The following COX7A2L variants were observed in gnomAD, a reference collection of about 807,000 sequenced individuals.
COX7A2L encodes the protein cytochrome c oxidase subunit 7A2-like, mitochondrial.
A neutral mutation model predicts 14.2 loss-of-function variants in COX7A2L; 18 were observed. The ratio of observed to expected loss-of-function variants is 1.27; its 90% CI spans 0.88 to 1.88. The LOEUF is 1.88. COX7A2L is among the 40% of genes most tolerant of loss of function. The pLI is 0.00. For synonymous variants in COX7A2L, 65 were observed against 57.4 expected (o/e 1.13, Z -0.60); for missense variants, 179 against 138.8 (o/e 1.29, Z -1.46).
At chr2:42,352,489 C>T (rs896141229) in intron 2 of COX7A2L, among the ~76,000 whole-genome samples, 3 of 152,082 alleles carry the variant, frequency 2.0e-5, no homozygotes, top group Non-Finnish European at 4.4e-5. Context: ...CCTTCCCCAC[C>T]GCACCTTGAG....
Position 42,338,667 on chromosome 2 carries a change from A to T in COX7A2L, c.193-4798T>A, listed in dbSNP as rs1670337737. 1.3e-5 allele frequency among the ~76,000 whole-genome samples: 2 copies of T among 152,176 alleles called. No individual in the cohort carries two copies. The highest frequency in any genetic ancestry group is 2.9e-5 in the Non-Finnish European group (2 of 68,040). ...TCAACTCCATCCCCACCTGGCGGTC[A>T]GCCTGTCGAGGGGCCAGTGAGGAAT... On this transcript the variant is annotated intron_variant, in intron 2 of 2. Coordinates refer to the COX7A2L transcript ENST00000468711. The surrounding 1 kb of genome is among the most constrained non-coding windows in gnomAD (Gnocchi z 4.4).
At chr2:42,343,056 G>T (rs1670431687) in intron 2 of COX7A2L, among the ~76,000 whole-genome samples, 1 of 152,184 alleles carries the variant, frequency 6.6e-6, no homozygotes, top group Non-Finnish European at 1.5e-5. Context: ...CACCCTCACT[G>T]CTCTCGTTCA....
chr2:42,362,696 A>G (rs1671085100), upstream of COX7A2L, among the ~76,000 whole-genome samples: 1 of 152,176 alleles, frequency 6.6e-6, no homozygotes, highest in Admixed American at 6.5e-5. Flanking sequence ...CAAGAGCCCC[A>G]AGTATTCAGC....
chr2:42,359,796 A>C (rs1000292515), intron 1 of COX7A2L: 1 of 151,798 alleles, frequency 6.6e-6, no homozygotes. Flanking sequence ...AACATTTATA[A>C]ACCCTAAACT....
intron 1 of COX7A2L, among the ~76,000 whole-genome samples, chr2:42,360,395 C>A (rs1670986178): frequency 6.6e-6 from 1 of 152,160 alleles, no homozygotes; most frequent in Non-Finnish European, 1.5e-5. Context: ...TTTGAAAAGG[C>A]ACGTCTGGGG....
Position 42,354,337 on chromosome 2 carries a change from T to C in COX7A2L, c.73-994A>G, listed in dbSNP as rs919374826. ...GAATAAACCTACAGTGACAAATATA[T>C]AGAGTAATCCAAAATAACCTGTAAA... On this transcript the variant is annotated intron_variant, in intron 1 of 2. Coordinates refer to ENST00000234301, the MANE Select transcript of COX7A2L (RefSeq NM_004718.4). 3.5e-4 allele frequency among the ~76,000 whole-genome samples: 53 copies of C among 152,088 alleles called. 1 individual carries two copies. Among genetic ancestry groups the C allele is most frequent in the African/African-American group, 1.3e-3 (52 of 41,402 alleles).
upstream of COX7A2L, among the ~76,000 whole-genome samples, chr2:42,363,900 C>T (rs980379525): frequency 1.3e-5 from 2 of 152,140 alleles, no homozygotes; most frequent in Non-Finnish European, 2.9e-5. Flanking sequence ...CGCTGCTTCT[C>T]CATTTGTGAG....
chr2:42,347,305 A>AC (rs1373741121), downstream of COX7A2L, among the ~76,000 whole-genome samples: 1 of 117,616 alleles, frequency 8.5e-6, no homozygotes, highest in Non-Finnish European at 1.7e-5. Flanking sequence ...GTAAACCAGC[A>AC]CCTTTTTTTT....
At chr2:42,343,307 T>G (rs1465336274) in intron 2 of COX7A2L, among the ~76,000 whole-genome samples, 1 of 152,254 alleles carries the variant, frequency 6.6e-6, no homozygotes, top group African/African-American at 2.4e-5. Flanking sequence ...GCTAGCCATG[T>G]GGTCTATCAA....
At chr2:42,351,509 T>C (rs1670643613) in intron 2 of COX7A2L, 150 bp from the exon 3 acceptor site, 2 of 925,234 alleles carry the variant, frequency 2.2e-6, no homozygotes, top group South Asian at 1.9e-5. Context: ...CTAGTAGAAG[T>C]TCCTATAAAT....
At chr2:42,363,016 A>C (rs1671093178), upstream of COX7A2L, among the ~76,000 whole-genome samples, 1 of 151,868 alleles carries the variant, frequency 6.6e-6, no homozygotes, top group Non-Finnish European at 1.5e-5. Context: ...CTGGAACCAC[A>C]GATGCGCGCC....
chr2:42,361,538 A>AGCATGCTTTAGGAGGG (rs550002090), upstream of COX7A2L: 213 of 174,556 alleles, frequency 1.2e-3, no homozygotes, highest in African/African-American at 5.0e-3. Context: ...AGTCAGGTGG[A>AGCATGCTTTAGGAGGG]GCATGCTTTA....
rs147312510 is a variant in COX7A2L, at chr2:42,337,635, A to G, written c.193-3766T>C. Among the ~76,000 whole-genome samples the G allele has an allele frequency of 2.1e-3, 314 of 152,210 alleles. 2 individuals are homozygous for G. The highest frequency in any genetic ancestry group is 6.8e-3 in the African/African-American group (281 of 41,542). On this transcript the variant is annotated intron_variant, in intron 2 of 2. Transcript: ENST00000468711. Reference sequence around the variant, plus strand: ...TGGATTACTGTGTCCTTCCAATGTTACTTTCCTGGTCTCATATAGTTAACG... The same window carrying G: ...TGGATTACTGTGTCCTTCCAATGTTGCTTTCCTGGTCTCATATAGTTAACG...
At chr2:42,353,368 CAAGTTGAAAGTAT>C in intron 1 of COX7A2L, 25 bp from the exon 2 acceptor site, 2 of 1,611,664 alleles carry the variant, frequency 1.2e-6, no homozygotes, top group Non-Finnish European at 8.5e-7. Context: ...AGGAAAATGG[CAAGTTGAAAGTAT>C]GTCTGAGGAG....
At chr2:42,346,036 G>A (rs140070206), downstream of COX7A2L, among the ~76,000 whole-genome samples, 4 of 152,270 alleles carry the variant, frequency 2.6e-5, no homozygotes, top group East Asian at 1.9e-4. Flanking sequence ...ATTCTGCACC[G>A]TCAATTAACA....
chr2:42,359,654 T>A (rs1209213102), intron 1 of COX7A2L: 1 of 152,180 alleles, frequency 6.6e-6, no homozygotes, highest in Non-Finnish European at 1.5e-5. Context: ...CCTTCCCTCA[T>A]GTTTCTATAC....
chr2:42,362,730 T>C (rs1671085767), upstream of COX7A2L, among the ~76,000 whole-genome samples: 1 of 152,254 alleles, frequency 6.6e-6, no homozygotes, highest in South Asian at 2.1e-4. Flanking sequence ...TGTAAAGGTT[T>C]CAGCGAATTC....
chr2:42,352,724 C>T (rs572185930), intron 2 of COX7A2L, among the ~76,000 whole-genome samples: 1 of 152,268 alleles, frequency 6.6e-6, no homozygotes, highest in South Asian at 2.1e-4. Context: ...ACTTTAAAAA[C>T]ATTTTCAATT....
Position 42,342,321 on chromosome 2 carries a change from G to A in COX7A2L, c.193-8452C>T, listed in dbSNP as rs756688387. 1.3e-5 allele frequency among the ~76,000 whole-genome samples: 2 copies of A among 152,044 alleles called. No individual in the cohort carries two copies. Among genetic ancestry groups the A allele is most frequent in the African/African-American group, 2.4e-5 (1 of 41,416 alleles). On this transcript the variant is annotated intron_variant, in intron 2 of 2. Coordinates refer to the COX7A2L transcript ENST00000468711. The surrounding 1 kb of genome is among the most constrained non-coding windows in gnomAD (Gnocchi z 4.9). ...TCCCTCTCCCTAGGAGAGCTGAGACGAGGGACTTGAGCTCTCTGCTTGGCA... is the reference window on the plus strand; with the variant it reads ...TCCCTCTCCCTAGGAGAGCTGAGACAAGGGACTTGAGCTCTCTGCTTGGCA...
Sources: allele counts gnomAD v4.1 joint callset (sites outside exome capture counted in the v4.1 genomes callset), GRCh38; gene constraint gnomAD v4.1.1; non-coding constraint Gnocchi (gnomAD v3.1); transcripts MANE v1.5; gene names NCBI Gene and HGNC (gene_info 2026-07-23, HGNC 2026-07-21).